Variants in PDE3B observed in about 807,000 individuals in gnomAD.
PDE3B encodes cGMP-inhibited 3',5'-cyclic phosphodiesterase 3B.
In PDE3B, 66 loss-of-function variants were observed where a neutral mutation model predicts 116.8. The ratio of observed to expected loss-of-function variants is 0.56; its 90% CI spans 0.46 to 0.69. The LOEUF is 0.69. Among genes scored for constraint, PDE3B ranks in the 30% least tolerant of loss-of-function variants. The pLI, the probability that PDE3B is intolerant of heterozygous loss-of-function variation, is 0.00. For synonymous variants in PDE3B, 595 were observed against 533.6 expected (o/e 1.12, Z -1.59); for missense variants, 1,384 against 1,368.1 (o/e 1.01, Z -0.18).
At chr11:14,815,684 A>G (rs1859302418) in intron 5 of PDE3B, among the ~76,000 whole-genome samples, 1 of 152,176 alleles carries the variant, frequency 6.6e-6, no homozygotes, top group Non-Finnish European at 1.5e-5. Flanking sequence ...GAAGCTAGTC[A>G]CAGGTGTTTT....
At chr11:14,744,263 G>C (rs139919107) in intron 1 of PDE3B, among the ~76,000 whole-genome samples, 110 of 151,740 alleles carry the variant, frequency 7.2e-4, no homozygotes, top group African/African-American at 2.5e-3. Context: ...TCTTTGATTT[G>C]GTTATTCAAT....
the PDE3B span, chr11:14,880,456 A>G: frequency 6.2e-7 from 1 of 1,613,494 alleles, no homozygotes; most frequent in Non-Finnish European, 8.5e-7. Flanking sequence ...ATTATACAAG[A>G]AGACTGAGGC....
chr11:14,781,593 T>C (rs1441251205), intron 2 of PDE3B, among the ~76,000 whole-genome samples: 1 of 152,160 alleles, frequency 6.6e-6, no homozygotes, highest in Non-Finnish European at 1.5e-5. Flanking sequence ...AGAAAAGGCC[T>C]TTGACAAAAT....
intron 11 of PDE3B, among the ~76,000 whole-genome samples, chr11:14,841,317 ATCTCTCTCTCTCTCCC>A (rs1355265076): frequency 5.4e-5 from 8 of 148,646 alleles, no homozygotes; most frequent in Non-Finnish European, 1.0e-4. Context: ...CTTAAAATAA[ATCTCTCTCTCTCTCCC>A]TCTCTCTCTC....
chr11:14,788,730 T>G lies in PDE3B; in HGVS notation c.1279-376T>G, dbSNP rs115738138. 6.1e-3 allele frequency among the ~76,000 whole-genome samples: 930 copies of G among 152,046 alleles called. 6 individuals carry two copies. Among genetic ancestry groups the G allele is most frequent in the African/African-American group, 0.021 (883 of 41,538 alleles). On this transcript the variant is annotated intron_variant, in intron 3 of 15. Transcript: ENST00000282096. ...GCACTGTACTGAAAATATAAAAAAT[T>G]TAGAATATAGGGCTGATCATCCCTG...
intron 1 of PDE3B, among the ~76,000 whole-genome samples, chr11:14,666,015 C>T (rs1357899641): frequency 2.0e-5 from 3 of 152,126 alleles, no homozygotes; most frequent in Non-Finnish European, 2.9e-5. Flanking sequence ...AGGCATCACA[C>T]TACCTGACTT....
intron 5 of PDE3B, among the ~76,000 whole-genome samples, chr11:14,812,771 T>C (rs1859187498): frequency 6.6e-6 from 1 of 151,516 alleles, no homozygotes; most frequent in Non-Finnish European, 1.5e-5. Context: ...TATGAAAGGT[T>C]ATATCCAATG....
chr11:14,651,707 C>T (rs965855508), intron 1 of PDE3B, among the ~76,000 whole-genome samples: 1 of 152,108 alleles, frequency 6.6e-6, no homozygotes, highest in African/African-American at 2.4e-5. Flanking sequence ...GAGATTCAAT[C>T]TCATTTTTTA....
At chr11:14,735,000 A>G (rs1475680812) in intron 1 of PDE3B, among the ~76,000 whole-genome samples, 3 of 152,152 alleles carry the variant, frequency 2.0e-5, no homozygotes, top group African/African-American at 7.2e-5. Flanking sequence ...GCATGCGGTT[A>G]TGTCTCTTTC....
At position 14,792,736 on chromosome 11, in the gene PDE3B, A is replaced by T. The variant is rs74713705; in HGVS notation, c.1415+3494A>T. Among the ~76,000 whole-genome samples, 757 of 152,210 alleles carry T rather than the reference A, an allele frequency of 5.0e-3. 10 individuals are homozygous for T. The highest frequency in any genetic ancestry group is 0.018 in the African/African-American group (739 of 41,544). ...AATTCTAGTCAAGCTGAACTATTTG[A>T]TCTTCTCTCTGTCCATCTGTGCACC... On this transcript the variant is annotated intron_variant, in intron 4 of 15. Coordinates refer to ENST00000282096, the MANE Select transcript of PDE3B (RefSeq NM_000922.4).
intron 5 of PDE3B, among the ~76,000 whole-genome samples, chr11:14,806,783 C>T (rs370634275): frequency 6.3e-4 from 87 of 137,732 alleles, no homozygotes; most frequent in Non-Finnish European, 3.7e-4. Flanking sequence ...GGCATGAACC[C>T]GGGAGGCGGA....
chr11:14,891,237 G>C, the PDE3B span: 1 of 985,182 alleles, frequency 1.0e-6, no homozygotes, highest in Non-Finnish European at 1.2e-6. Context: ...GAGGAGCGAA[G>C]TACCGACCTC....
intron 1 of PDE3B, among the ~76,000 whole-genome samples, chr11:14,714,116 A>G (rs150345244): frequency 8.5e-5 from 13 of 152,056 alleles, no homozygotes; most frequent in African/African-American, 1.2e-4. Context: ...TTAAAGAGGA[A>G]GTCTGCTTTC....
At chr11:14,873,447 C>G (rs1050105679), downstream of PDE3B, among the ~76,000 whole-genome samples, 8 of 152,082 alleles carry the variant, frequency 5.3e-5, no homozygotes, top group Non-Finnish European at 2.9e-5. Context: ...GGGACATGTA[C>G]AGAGTTATGG....
At chr11:14,832,862 G>C in intron 10 of PDE3B, 29 bp downstream of exon 10, 3 of 973,626 alleles carry the variant, frequency 3.1e-6, no homozygotes, top group Non-Finnish European at 4.8e-6. Context: ...TATTATTTAA[G>C]TTCAAATAAT....
At chr11:14,658,947 A>T (rs549623961) in intron 1 of PDE3B, among the ~76,000 whole-genome samples, 2 of 152,280 alleles carry the variant, frequency 1.3e-5, no homozygotes, top group Middle Eastern at 3.4e-3. Context: ...TGGATTAAAT[A>T]CTGTTTTTTT....
intron 1 of PDE3B, among the ~76,000 whole-genome samples, chr11:14,704,576 A>G (rs1467586478): frequency 6.6e-6 from 1 of 151,766 alleles, no homozygotes; most frequent in Non-Finnish European, 1.5e-5. Context: ...GATAGAATGG[A>G]TATTATGGAC....
chr11:14,840,600 A>G (rs1860191848), intron 11 of PDE3B, among the ~76,000 whole-genome samples: 1 of 152,202 alleles, frequency 6.6e-6, no homozygotes, highest in Non-Finnish European at 1.5e-5. Context: ...CTTAAAGAGA[A>G]AGACCAGTTG....
intron 1 of PDE3B, among the ~76,000 whole-genome samples, chr11:14,698,477 T>C (rs1394049402): frequency 6.6e-6 from 1 of 151,960 alleles, no homozygotes; most frequent in Non-Finnish European, 1.5e-5. Context: ...ATGTATATTA[T>C]GTATATTATC....
Sources: gnomAD v4.1 joint callset for allele counts (sites outside exome capture counted in the v4.1 genomes callset) on GRCh38, gnomAD v4.1.1 for gene constraint, MANE v1.5 for transcripts, NCBI Gene and HGNC (gene_info 2026-07-23, HGNC 2026-07-21) for gene names.